Variants in PPP2R5C observed in about 807,000 individuals in gnomAD.
The protein encoded by PPP2R5C is serine/threonine-protein phosphatase 2A 56 kDa regulatory subunit gamma isoform.
Under a neutral mutation model 68.9 loss-of-function variants are expected in PPP2R5C, and 7 were observed. That is an observed-to-expected ratio of 0.10 (90% CI 0.06 to 0.19). The LOEUF is 0.19. Among genes scored for constraint, PPP2R5C ranks in the 10% least tolerant of loss-of-function variants. The pLI is 1.00. For synonymous variants in PPP2R5C, 210 were observed against 222.2 expected, an observed-to-expected ratio of 0.95 and a Z score of 0.49; for missense variants, 348 against 641.3, an observed-to-expected ratio of 0.54 and a Z score of 4.94.
chr14:101,809,997 A>G (rs768732656), exon 1 of PPP2R5C: 1 of 1,614,038 alleles, frequency 6.2e-7, no homozygotes, highest in East Asian at 2.2e-5. Flanking sequence ...GGCCAACTCC[A>G]ATGGGCCTTT....
intron 10 of PPP2R5C, among the ~76,000 whole-genome samples, chr14:101,909,052 C>A (rs1039517380): frequency 5.3e-5 from 8 of 152,184 alleles, no homozygotes; most frequent in Admixed American, 6.5e-5. Flanking sequence ...GGACTAGAGT[C>A]ACCCAGAGGC....
intron 5 of PPP2R5C, among the ~76,000 whole-genome samples, chr14:101,885,345 C>T (rs1044993106): frequency 7.9e-5 from 12 of 151,816 alleles, no homozygotes; most frequent in African/African-American, 1.7e-4. Context: ...GCACAGCCTG[C>T]GTCGGGAGCA....
chr14:101,802,017 G>A (rs1163122559), intron 3 of PPP2R5C, among the ~76,000 whole-genome samples: 1 of 152,166 alleles, frequency 6.6e-6, no homozygotes, highest in African/African-American at 2.4e-5. Flanking sequence ...TCACATAGGT[G>A]GTCAAACGAG....
At chr14:101,798,941 C>A (rs915315134) in intron 3 of PPP2R5C, among the ~76,000 whole-genome samples, 5 of 152,216 alleles carry the variant, frequency 3.3e-5, no homozygotes, top group African/African-American at 9.6e-5. Flanking sequence ...AAATGCTGTT[C>A]TTGAGATGAT....
intron 5 of PPP2R5C, among the ~76,000 whole-genome samples, chr14:101,886,624 A>AT (rs1434956845): frequency 6.6e-6 from 1 of 152,120 alleles, no homozygotes; most frequent in African/African-American, 2.4e-5. Context: ...TTGGGTCCTC[A>AT]TTGTCAATAC....
Position 101,899,334 on chromosome 14 carries a change from G to A in PPP2R5C, c.853-2385G>A, listed in dbSNP as rs568358191. On this transcript the variant is annotated intron_variant, in intron 8 of 13. Transcript: ENST00000334743. The surrounding 1 kb of genome is among the most constrained non-coding windows in gnomAD (Gnocchi z 4.2). ...GGGCTCCCCAAGACTCAAGGCTGGG[G>A]CCACTGGCTCGCCTGCCCTCTGCAG... Among the ~76,000 whole-genome samples the A allele has an allele frequency of 1.3e-5, 2 of 152,330 alleles. No homozygotes were observed. The highest frequency in any genetic ancestry group is 3.9e-4 in the East Asian group (2 of 5,178).
At chr14:101,919,877 G>A (rs1402165422) in intron 13 of PPP2R5C, among the ~76,000 whole-genome samples, 1 of 147,760 alleles carries the variant, frequency 6.8e-6, no homozygotes. Context: ...GCTGAGGCAG[G>A]AGAATCGCTT....
intron 2 of PPP2R5C, among the ~76,000 whole-genome samples, chr14:101,874,568 A>G (rs1005112725): frequency 2.0e-5 from 3 of 152,242 alleles, no homozygotes; most frequent in African/African-American, 7.2e-5. Flanking sequence ...TTATGTATAA[A>G]TATTCTAAAC....
At position 101,821,444 on chromosome 14, in the gene PPP2R5C, GGTGGGTGGGT is replaced by G. The variant is rs1394830395; in HGVS notation, c.94+11412_94+11421del. Among the ~76,000 whole-genome samples the G allele has an allele frequency of 8.6e-3, 1,124 of 130,142 alleles. 13 individuals carry two copies. Among genetic ancestry groups the G allele is most frequent in the African/African-American group, 0.029 (1,039 of 36,388 alleles). The allele number at this position is 130,142 out of a possible 152,430, so 85.4% of individuals were successfully genotyped here. A position where few individuals can be genotyped will look rare whatever the true frequency, so the allele number is the denominator to read the frequency against. On this transcript the variant is annotated intron_variant, in intron 1 of 13. Transcript: ENST00000334743. ...GACCATTTTCTCCCTGTGGGGGGTG[GGTGGGTGGGT>G]GTGTGTGTGTGTGTGTGTGTGTGTG... is the stretch of plus-strand genomic sequence containing the variant.
intron 2 of PPP2R5C, among the ~76,000 whole-genome samples, chr14:101,764,954 A>G (rs536802767): frequency 1.3e-5 from 2 of 152,042 alleles, no homozygotes; most frequent in African/African-American, 2.4e-5. Flanking sequence ...ATTTATTTCT[A>G]TTTTTAGTGG....
intron 2 of PPP2R5C, among the ~76,000 whole-genome samples, chr14:101,772,592 C>A (rs2037209018): frequency 6.6e-6 from 1 of 151,950 alleles, no homozygotes; most frequent in African/African-American, 2.4e-5. Context: ...ATCAGGAGTT[C>A]GAGACCAGCC....
In PPP2R5C at chr14:101,899,260, T is replaced by C. The variant is rs2045542859; in HGVS notation, c.853-2459T>C. ...TTCAGTCTCATCACATTTTACTACA[T>C]GGCATAGTAGCGGCTCTCCTTTCTC... On this transcript the variant is annotated intron_variant, in intron 8 of 13. Transcript: ENST00000334743. The surrounding 1 kb of genome is among the most constrained non-coding windows in gnomAD (Gnocchi z 4.2). Among the ~76,000 whole-genome samples the C allele has an allele frequency of 6.6e-6, 1 of 152,242 alleles. No homozygotes were observed. Among genetic ancestry groups the C allele is most frequent in the Admixed American group, 6.5e-5 (1 of 15,286 alleles).
chr14:101,817,333 A>G (rs889501615), intron 1 of PPP2R5C, among the ~76,000 whole-genome samples: 6 of 152,114 alleles, frequency 3.9e-5, no homozygotes, highest in African/African-American at 1.4e-4. Context: ...AAATATCTTT[A>G]AAAAGGGTCT....
chr14:101,764,558 T>C (rs1332759292), intron 2 of PPP2R5C, among the ~76,000 whole-genome samples: 1 of 152,162 alleles, frequency 6.6e-6, no homozygotes, highest in East Asian at 1.9e-4. Context: ...CAGCAGGTGG[T>C]TTATTCCAGC....
chr14:101,808,109 G>A (rs922001189), upstream of PPP2R5C, among the ~76,000 whole-genome samples: 1 of 151,334 alleles, frequency 6.6e-6, no homozygotes, highest in East Asian at 1.9e-4. Flanking sequence ...GGAGGAGGAG[G>A]AGGCTGGGGT....
chr14:101,877,913 A>G lies in PPP2R5C; in HGVS notation c.295-4248A>G, dbSNP rs1212013172. ...CCGGACCTAGGTCGGTCATCAGTCA[A>G]GGACGCTGTATCAGTCTGCTCAGGC... On this transcript the variant is annotated intron_variant, in intron 2 of 13. Coordinates refer to ENST00000334743, the Ensembl canonical transcript of PPP2R5C. This position sits in a 1 kb window ranked among gnomAD's most constrained non-coding sequence, Gnocchi z 4.2. Among the ~76,000 whole-genome samples, 1 of 152,220 alleles carries G rather than the reference A, an allele frequency of 6.6e-6. No homozygotes were observed. Among genetic ancestry groups the G allele is most frequent in the Non-Finnish European group, 1.5e-5 (1 of 68,036 alleles).
chr14:101,802,951 TAAA>T (rs571594853), intron 3 of PPP2R5C, among the ~76,000 whole-genome samples: 5 of 99,926 alleles, frequency 5.0e-5, no homozygotes, highest in African/African-American at 7.7e-5. Flanking sequence ...GGCTACTATT[TAAA>T]AAAAAAAAAA....
chr14:101,876,755 A>G (rs1000249688), intron 2 of PPP2R5C, among the ~76,000 whole-genome samples: 2 of 152,196 alleles, frequency 1.3e-5, no homozygotes, highest in African/African-American at 4.8e-5. Context: ...ACATGCAGAC[A>G]TACGTATGCA....
chr14:101,813,946 A>G (rs2039512134), intron 1 of PPP2R5C, among the ~76,000 whole-genome samples: 2 of 152,236 alleles, frequency 1.3e-5, no homozygotes, highest in South Asian at 4.1e-4. Context: ...AAAACTCATT[A>G]AAAAACATGC....
Sources: gnomAD v4.1 joint callset for allele counts (sites outside exome capture counted in the v4.1 genomes callset) on GRCh38, gnomAD v4.1.1 for gene constraint, Gnocchi (gnomAD v3.1) non-coding constraint, MANE v1.5 for transcripts, NCBI Gene and HGNC (gene_info 2026-07-23, HGNC 2026-07-21) for gene names.